Variants in CCDC38 observed in about 807,000 individuals in gnomAD.
CCDC38 encodes coiled-coil domain-containing protein 38.
In CCDC38, 69 loss-of-function variants were observed where a neutral mutation model predicts 72.8. The observed-to-expected ratio is 0.95, with a 90% CI of 0.78 to 1.16. The LOEUF is 1.16. Ranked by LOEUF, CCDC38 falls within the 50% of genes most tolerant of loss-of-function variation. The probability of loss-of-function intolerance (pLI) is 0.00; values close to 1 mark genes in which losing one functional copy is unlikely to be tolerated. For synonymous variants in CCDC38, 201 were observed against 213.2 expected (o/e 0.94, Z 0.50); for missense variants, 626 against 638.9 (o/e 0.98, Z 0.22).
At chr12:95,880,446 GAGTTCA>G (rs1240029848) in intron 11 of CCDC38, among the ~76,000 whole-genome samples, 2 of 152,106 alleles carry the variant, frequency 1.3e-5, no homozygotes, top group African/African-American at 2.4e-5. Flanking sequence ...ATGAGGTCAG[GAGTTCA>G]AGACCAGCCT....
At chr12:95,884,242 G>A (rs566211761) in intron 10 of CCDC38, among the ~76,000 whole-genome samples, 9 of 152,310 alleles carry the variant, frequency 5.9e-5, no homozygotes, top group South Asian at 2.1e-4. Flanking sequence ...AGTTCAGTAC[G>A]GTCAGGGTAT....
At chr12:95,905,147 T>TA (rs1382960210) in intron 5 of CCDC38, among the ~76,000 whole-genome samples, 7 of 152,252 alleles carry the variant, frequency 4.6e-5, no homozygotes, top group Non-Finnish European at 1.0e-4. Flanking sequence ...TTATACTTTA[T>TA]AATTTTTCAA....
At chr12:95,877,928 A>G (rs1351497173) in intron 13 of CCDC38, among the ~76,000 whole-genome samples, 1 of 152,234 alleles carries the variant, frequency 6.6e-6, no homozygotes, top group Non-Finnish European at 1.5e-5. Context: ...ACATATGTCT[A>G]GGCTCTGAAG....
intron 1 of CCDC38, among the ~76,000 whole-genome samples, chr12:95,937,425 CT>C (rs1256562600): frequency 6.6e-6 from 1 of 152,194 alleles, no homozygotes; most frequent in Non-Finnish European, 1.5e-5. Context: ...GAAGCTAGAG[CT>C]TCACTGGCCT....
chr12:95,919,201 T>C (rs2080177136), intron 2 of CCDC38, among the ~76,000 whole-genome samples: 2 of 152,210 alleles, frequency 1.3e-5, no homozygotes, highest in Non-Finnish European at 2.9e-5. Flanking sequence ...AGTCAGAGAC[T>C]CCAGGGATAT....
chr12:95,902,010 GT>G (rs2079955461), intron 5 of CCDC38, among the ~76,000 whole-genome samples: 1 of 152,172 alleles, frequency 6.6e-6, no homozygotes, highest in Non-Finnish European at 1.5e-5. Context: ...AACCACTTCA[GT>G]TTTTGAAAAC....
At position 95,867,549 on chromosome 12, in the gene CCDC38, G is replaced by A. The variant is rs565444262; in HGVS notation, c.1579-360C>T. ...CAGTAAGTGCCATAGCCAGTTTTTC[G>A]TCCATGGTTGGAAGAGATGGCTTTC... On this transcript the variant is annotated intron_variant, in intron 15 of 15. Transcript: ENST00000344280. Among the ~76,000 whole-genome samples the A allele has an allele frequency of 3.4e-4, 52 of 152,244 alleles. No individual in the cohort carries two copies. The South Asian group carries it at 5.8e-3, about 17-fold the overall frequency.
In CCDC38 at chr12:95,879,741, GCT is replaced by G. The variant is rs2079677789; in HGVS notation, c.1043_1044del (p.Glu348AlafsTer17). On this transcript the variant is annotated frameshift_variant, in exon 12 of 16. Transcript: ENST00000344280. LOFTEE classifies it high-confidence loss of function. This position sits in a 1 kb window ranked among gnomAD's most constrained non-coding sequence, Gnocchi z 5.5. ...EPEELLQVLR[E>X]LEEQNLTLFQ... ...AACAAAGTAAGATTCTGCTCTTCCA[GCT>G]CTCTGAGGACTTGAAGTAACTCCTC... 1.2e-6 allele frequency: 2 copies of G among 1,611,990 alleles called. No homozygotes were observed. The highest frequency in any genetic ancestry group is 8.5e-7 in the Non-Finnish European group (1 of 1,178,434).
chr12:95,881,547 C>G lies in CCDC38; in HGVS notation c.928G>C (p.Glu310Gln). ...TPEKKKSNLA[E>Q]SFGSEDSLEF... is the part of the protein sequence containing the mutation. ...AAACTGTCTTCTGAACCGAAACTTT[C>G]AGCCAGGCTGTAAAAGAAAAAAGAA... The change falls in exon 11 of 16, where the codon GAA becomes CAA. Residue 310 changes from glutamate (E) to glutamine (Q), a missense_variant. By Grantham distance (29) the Glu-to-Gln change is conservative. Coordinates refer to ENST00000344280, the MANE Select transcript of CCDC38 (RefSeq NM_182496.3). The G allele has an allele frequency of 1.9e-6, 3 of 1,608,216 alleles. No homozygotes were observed. The highest frequency in any genetic ancestry group is 2.5e-6 in the Non-Finnish European group (3 of 1,177,176).
chr12:95,903,490 C>G (rs889935935), intron 5 of CCDC38: 8 of 699,678 alleles, frequency 1.1e-5, no homozygotes, highest in Non-Finnish European at 2.1e-5. Flanking sequence ...AGCATTCAGT[C>G]TTTTACCATT....
chr12:95,916,849 T>C (rs1471423975), intron 4 of CCDC38, among the ~76,000 whole-genome samples: 1 of 152,206 alleles, frequency 6.6e-6, no homozygotes, highest in Non-Finnish European at 1.5e-5. Flanking sequence ...CTATTACCTT[T>C]ACATTTTATC....
At chr12:95,899,955 G>A (rs1321379720) in intron 5 of CCDC38, among the ~76,000 whole-genome samples, 2 of 152,050 alleles carry the variant, frequency 1.3e-5, no homozygotes, top group Non-Finnish European at 2.9e-5. Flanking sequence ...GAACAGCCAA[G>A]GAAAGTCTCC....
intron 15 of CCDC38, among the ~76,000 whole-genome samples, chr12:95,868,392 G>C (rs1394651038): frequency 6.6e-6 from 1 of 152,160 alleles, no homozygotes; most frequent in Non-Finnish European, 1.5e-5. Flanking sequence ...GTGGAAGGGT[G>C]ATGAATGGTT....
chr12:95,919,422 G>T (rs1048700110), intron 2 of CCDC38: 4 of 425,988 alleles, frequency 9.4e-6, no homozygotes, highest in African/African-American at 2.0e-5. Flanking sequence ...CTACGTTAGG[G>T]TTTTAATTTT....
chr12:95,876,670 A>G (rs1323974715), intron 13 of CCDC38, among the ~76,000 whole-genome samples: 2 of 152,160 alleles, frequency 1.3e-5, no homozygotes, highest in Non-Finnish European at 2.9e-5. Flanking sequence ...CTACTAACTC[A>G]GGGCACTATA....
chr12:95,906,501 A>T, intron 4 of CCDC38, 50 bp from the exon 5 acceptor site: 1 of 1,268,174 alleles, frequency 7.9e-7, no homozygotes, highest in Admixed American at 1.8e-5. Context: ...ATCCTTAAAA[A>T]TGCTGTATAA....
intron 13 of CCDC38, among the ~76,000 whole-genome samples, chr12:95,874,216 T>C (rs2079611970): frequency 6.6e-6 from 1 of 152,202 alleles, no homozygotes; most frequent in South Asian, 2.1e-4. Context: ...AGTCACTAAA[T>C]AAAGCACAGA....
intron 2 of CCDC38, among the ~76,000 whole-genome samples, chr12:95,931,435 G>C (rs192410963): frequency 2.0e-5 from 3 of 152,172 alleles, no homozygotes; most frequent in African/African-American, 7.2e-5. Flanking sequence ...CGTATTTACA[G>C]GTTCCAGGGA....
chr12:95,929,566 T>G (rs10161346), intron 2 of CCDC38, among the ~76,000 whole-genome samples: 3 of 152,114 alleles, frequency 2.0e-5, no homozygotes, highest in African/African-American at 7.2e-5. Context: ...GCTCCTCCCC[T>G]GCAAGTGTCT....
Sources: gnomAD v4.1 joint callset for allele counts (sites outside exome capture counted in the v4.1 genomes callset) on GRCh38, gnomAD v4.1.1 for gene constraint, Gnocchi (gnomAD v3.1) non-coding constraint, MANE v1.5 for transcripts, NCBI Gene and HGNC (gene_info 2026-07-23, HGNC 2026-07-21) for gene names.